The following DOCK4 variants were observed in gnomAD, a reference collection of about 807,000 sequenced individuals.
DOCK4 encodes dedicator of cytokinesis protein 4.
Under a neutral mutation model 268.1 loss-of-function variants are expected in DOCK4, and 97 were observed. That is an observed-to-expected ratio of 0.36 (90% CI 0.31 to 0.43). The LOEUF (loss-of-function observed/expected upper bound fraction) is 0.43. Ranked by LOEUF, DOCK4 falls within the 20% of genes least tolerant of loss-of-function variation. The pLI is 1.00. For missense variants in DOCK4, 2,145 were observed against 2,455.7 expected, an observed-to-expected ratio of 0.87 and a Z score of 2.67; for synonymous variants, 954 against 887.2, an observed-to-expected ratio of 1.08 and a Z score of -1.34.
chr7:111,792,462 A>G (rs891092097), intron 30 of DOCK4, among the ~76,000 whole-genome samples: 3 of 152,092 alleles, frequency 2.0e-5, no homozygotes, highest in African/African-American at 7.2e-5. Flanking sequence ...GGCTCACTGC[A>G]ACCTCTGCCT....
chr7:111,786,939 T>C (rs776578232), intron 32 of DOCK4, among the ~76,000 whole-genome samples: 1 of 152,222 alleles, frequency 6.6e-6, no homozygotes, highest in Non-Finnish European at 1.5e-5. Flanking sequence ...AAGGAAATTA[T>C]TTATAGTAGC....
intron 1 of DOCK4, among the ~76,000 whole-genome samples, chr7:112,092,878 G>A (rs1489044442): frequency 6.6e-6 from 1 of 151,988 alleles, no homozygotes; most frequent in Non-Finnish European, 1.5e-5. Context: ...CCACACCTCA[G>A]GATGTCAGAA....
chr7:112,010,363 T>C (rs1276195055), intron 1 of DOCK4, among the ~76,000 whole-genome samples: 1 of 152,224 alleles, frequency 6.6e-6, no homozygotes, highest in African/African-American at 2.4e-5. Flanking sequence ...ATTTTGAAAG[T>C]ATAGCATAGA....
intron 25 of DOCK4, among the ~76,000 whole-genome samples, chr7:111,838,159 G>A (rs1803385715): frequency 6.8e-6 from 1 of 148,068 alleles, no homozygotes; most frequent in South Asian, 2.2e-4. Flanking sequence ...TGCAATCCCA[G>A]TAATTATCCT....
intron 12 of DOCK4, among the ~76,000 whole-genome samples, chr7:111,933,322 GTCTC>G (rs1464371454): frequency 7.7e-6 from 1 of 130,126 alleles, no homozygotes; most frequent in Non-Finnish European, 1.6e-5. Context: ...TTGAGATGGA[GTCTC>G]TCTCTGTCGC....
At chr7:111,914,976 C>T (rs952712831) in intron 13 of DOCK4, among the ~76,000 whole-genome samples, 2 of 152,188 alleles carry the variant, frequency 1.3e-5, no homozygotes, top group African/African-American at 4.8e-5. Flanking sequence ...GATTGATGCT[C>T]AATCAATGCC....
chr7:112,103,595 A>G (rs896022615), intron 1 of DOCK4, among the ~76,000 whole-genome samples: 9 of 152,230 alleles, frequency 5.9e-5, no homozygotes, highest in Non-Finnish European at 1.2e-4. Context: ...TAAAAATCAT[A>G]AACAGTCTGG....
chr7:111,951,461 T>C (rs1296760545), intron 8 of DOCK4, among the ~76,000 whole-genome samples: 1 of 151,904 alleles, frequency 6.6e-6, no homozygotes, highest in Non-Finnish European at 1.5e-5. Flanking sequence ...TTTGAGAGTC[T>C]CACCTTTTAA....
chr7:111,868,260 T>C (rs1303517134), intron 21 of DOCK4, 106 bp from the exon 22 acceptor site: 1 of 876,422 alleles, frequency 1.1e-6, no homozygotes, highest in African/African-American at 1.7e-5. Flanking sequence ...TTTTACATTA[T>C]TCATGTAGAC....
At chr7:112,059,909 A>G (rs550134283) in intron 1 of DOCK4, among the ~76,000 whole-genome samples, 2 of 152,366 alleles carry the variant, frequency 1.3e-5, no homozygotes, top group East Asian at 3.9e-4. Flanking sequence ...AAGAAAGATG[A>G]TACATTTAAG....
intron 1 of DOCK4, among the ~76,000 whole-genome samples, chr7:112,194,666 T>A (rs1820260946): frequency 6.6e-6 from 1 of 152,194 alleles, no homozygotes; most frequent in African/African-American, 2.4e-5. Flanking sequence ...TACATAATGA[T>A]TTTCTGATTA....
In DOCK4 at chr7:111,736,935, G is replaced by T. The variant is rs1438941846; in HGVS notation, c.5287C>A (p.Leu1763Ile). 6.2e-7 allele frequency: 1 copy of T among 1,603,788 alleles called. No homozygotes were observed. Among genetic ancestry groups the T allele is most frequent in the Non-Finnish European group, 8.5e-7 (1 of 1,175,070 alleles). The change falls in exon 50 of 53, where the codon CTC becomes ATC. Residue 1763 changes from leucine to isoleucine, a missense_variant. Physicochemically the swap from Leu to Ile is conservative, Grantham distance 5. This residue lies in a region of DOCK4 where 547 missense variants were observed against 469.0 expected (regional missense o/e 1.17). Coordinates refer to ENST00000428084, the MANE Select transcript of DOCK4 (RefSeq NM_001363540.2). ...DGALPRSDPNLSAPEKAVNPT... is the reference protein window; with the variant it reads ...DGALPRSDPNISAPEKAVNPT... ...GCCTTACCTTTTTCAGGTGCAGAGA[G>T]ATTTGGGTCACTGCGTGGCAAGGCC...
chr7:112,071,166 A>G (rs190660117), intron 1 of DOCK4, among the ~76,000 whole-genome samples: 93 of 152,274 alleles, frequency 6.1e-4, no homozygotes, highest in African/African-American at 1.9e-3. Context: ...AAATAATAGC[A>G]TTGCTTATAA....
chr7:111,844,262 C>T (rs1252679354), intron 25 of DOCK4, among the ~76,000 whole-genome samples: 3 of 152,116 alleles, frequency 2.0e-5, no homozygotes, highest in Non-Finnish European at 4.4e-5. Context: ...GGAGACAGAG[C>T]GAGACTCCGT....
chr7:111,804,908 C>T (rs1012843851), intron 30 of DOCK4, among the ~76,000 whole-genome samples: 1 of 152,144 alleles, frequency 6.6e-6, no homozygotes, highest in African/African-American at 2.4e-5. Flanking sequence ...CCAAGATGTA[C>T]ATTTTATTTG....
intron 1 of DOCK4, among the ~76,000 whole-genome samples, chr7:112,098,563 G>A (rs547091412): frequency 6.7e-6 from 1 of 149,330 alleles, no homozygotes; most frequent in African/African-American, 2.4e-5. Flanking sequence ...TATATAGATA[G>A]ATAATTTTAT....
intron 1 of DOCK4, among the ~76,000 whole-genome samples, chr7:112,205,114 G>A (rs529833267): frequency 6.6e-6 from 1 of 152,054 alleles, no homozygotes; most frequent in African/African-American, 2.4e-5. Context: ...CAACAAAAAC[G>A]GGAACTGTAA....
chr7:111,767,743 C>T (rs1563476714), intron 37 of DOCK4, among the ~76,000 whole-genome samples: 2 of 152,052 alleles, frequency 1.3e-5, no homozygotes, highest in South Asian at 2.1e-4. Context: ...TAAACAGGCC[C>T]TCAGTGCAGA....
chr7:111,830,354 T>A (rs1387800805), intron 26 of DOCK4, among the ~76,000 whole-genome samples: 2 of 152,014 alleles, frequency 1.3e-5, no homozygotes, highest in African/African-American at 4.8e-5. Context: ...TCAACCTGGG[T>A]GACGGAGGTT....
Sources: gnomAD v4.1 joint callset for allele counts (sites outside exome capture counted in the v4.1 genomes callset) on GRCh38, gnomAD v4.1.1 for gene constraint, gnomAD v4.1.1 regional missense constraint, MANE v1.5 for transcripts, NCBI Gene and HGNC (gene_info 2026-07-23, HGNC 2026-07-21) for gene names.